The following NRG1 variants were observed in gnomAD, a reference collection of about 807,000 sequenced individuals.
NRG1 encodes the protein neuregulin 1, also known as pro-neuregulin-1, membrane-bound isoform.
Under a neutral mutation model 63.8 loss-of-function variants are expected in NRG1, and 18 were observed. The ratio of observed to expected loss-of-function variants is 0.28; its 90% CI spans 0.19 to 0.42. The LOEUF is 0.42. Among genes scored for constraint, NRG1 ranks in the 10% least tolerant of loss-of-function variants. The pLI is 1.00. For synonymous variants in NRG1, 302 were observed against 301.3 expected (o/e 1.00, Z -0.02); for missense variants, 762 against 814.7 (o/e 0.94, Z 0.79).
chr8:32,396,193 T>C (rs1563406174), intron 1 of NRG1, among the ~76,000 whole-genome samples: 3 of 152,324 alleles, frequency 2.0e-5, no homozygotes, highest in African/African-American at 2.4e-5. Flanking sequence ...AGACATTTTT[T>C]TTGGCTACTG....
At chr8:32,252,209 G>A (rs1363444812) in intron 1 of NRG1, among the ~76,000 whole-genome samples, 2 of 151,792 alleles carry the variant, frequency 1.3e-5, no homozygotes, top group Non-Finnish European at 2.9e-5. Flanking sequence ...ATTAGATCCT[G>A]TTCATCAATT....
At chr8:31,947,676 GC>G (rs1486823637) in intron 1 of NRG1, among the ~76,000 whole-genome samples, 96 of 152,160 alleles carry the variant, frequency 6.3e-4, no homozygotes, top group African/African-American at 2.3e-3. Flanking sequence ...GGGCATGGTG[GC>G]TCATGCCTGT....
chr8:32,468,947 G>A (rs541422272), intron 1 of NRG1, among the ~76,000 whole-genome samples: 2 of 152,214 alleles, frequency 1.3e-5, no homozygotes, highest in South Asian at 4.1e-4. Context: ...TGAGCACTGC[G>A]CTAGGACCTA....
At chr8:31,895,558 C>A (rs1191057682) in intron 1 of NRG1, among the ~76,000 whole-genome samples, 1 of 152,218 alleles carries the variant, frequency 6.6e-6, no homozygotes, top group East Asian at 1.9e-4. Context: ...AGCCTTTAGT[C>A]TGATCTTCAT....
At chr8:31,859,689 T>C (rs1238121010) in intron 1 of NRG1, among the ~76,000 whole-genome samples, 3 of 152,232 alleles carry the variant, frequency 2.0e-5, no homozygotes, top group African/African-American at 7.2e-5. Context: ...TAATCTATTG[T>C]ATGTTTTGCT....
chr8:31,811,726 A>G (rs1300718219), intron 1 of NRG1, among the ~76,000 whole-genome samples: 1 of 152,174 alleles, frequency 6.6e-6, no homozygotes, highest in Non-Finnish European at 1.5e-5. Context: ...AATTATTATG[A>G]AAATTGTTGT....
intron 1 of NRG1, among the ~76,000 whole-genome samples, chr8:31,817,701 C>T (rs922459378): frequency 2.6e-5 from 4 of 152,154 alleles, no homozygotes; most frequent in African/African-American, 4.8e-5. Flanking sequence ...GAGCTATTTT[C>T]CTAATACAAA....
intron 1 of NRG1, among the ~76,000 whole-genome samples, chr8:31,872,003 A>G (rs2129611681): frequency 6.6e-6 from 1 of 152,214 alleles, no homozygotes; most frequent in Non-Finnish European, 1.5e-5. Flanking sequence ...AGTGACCATA[A>G]AGGCCATTAG....
At chr8:32,495,194 G>A (rs764100132) in intron 1 of NRG1, among the ~76,000 whole-genome samples, 2 of 152,166 alleles carry the variant, frequency 1.3e-5, no homozygotes, top group Non-Finnish European at 2.9e-5. Context: ...TAATTCGCAC[G>A]TCATGGGAGG....
intron 1 of NRG1, among the ~76,000 whole-genome samples, chr8:31,749,283 T>A (rs186283757): frequency 5.3e-4 from 81 of 152,034 alleles, no homozygotes; most frequent in African/African-American, 1.8e-3. Flanking sequence ...TTCTAATGTA[T>A]TAGTTTTACA....
intron 1 of NRG1, among the ~76,000 whole-genome samples, chr8:31,656,906 T>G (rs957490735): frequency 6.6e-6 from 1 of 152,190 alleles, no homozygotes; most frequent in Non-Finnish European, 1.5e-5. Flanking sequence ...AGAAAAATAT[T>G]TGAGTCAAAA....
intron 5 of NRG1, among the ~76,000 whole-genome samples, chr8:32,631,346 T>C (rs1182129859): frequency 6.6e-6 from 1 of 152,214 alleles, no homozygotes; most frequent in Non-Finnish European, 1.5e-5. Context: ...CTCTCCTTTT[T>C]TAACATTTGT....
intron 1 of NRG1, among the ~76,000 whole-genome samples, chr8:32,016,338 C>T (rs1259959514): frequency 6.6e-6 from 1 of 152,092 alleles, no homozygotes; most frequent in African/African-American, 2.4e-5. Flanking sequence ...GCTGGGATTA[C>T]AGGTCTGTGC....
chr8:32,720,015 GT>G (rs1003287769), intron 5 of NRG1, among the ~76,000 whole-genome samples: 2 of 150,972 alleles, frequency 1.3e-5, no homozygotes, highest in African/African-American at 4.9e-5. Flanking sequence ...GTGCCATGAT[GT>G]TTTTTTTTAA....
At chr8:32,203,280 G>GGAA in intron 1 of NRG1, among the ~76,000 whole-genome samples, 1 of 150,578 alleles carries the variant, frequency 6.6e-6, no homozygotes, top group East Asian at 2.0e-4. Context: ...GAAGAAGAAA[G>GGAA]GAAGAGAGAA....
At chr8:32,428,612 A>G (rs1817723081) in intron 1 of NRG1, among the ~76,000 whole-genome samples, 1 of 152,198 alleles carries the variant, frequency 6.6e-6, no homozygotes, top group South Asian at 2.1e-4. Context: ...CTGCTCAGTT[A>G]GCTGCTGGTT....
chr8:32,037,018 G>C (rs1819180478), intron 1 of NRG1, among the ~76,000 whole-genome samples: 1 of 152,142 alleles, frequency 6.6e-6, no homozygotes, highest in African/African-American at 2.4e-5. Flanking sequence ...AGGCACTCTG[G>C]CTTTTTGAGT....
intron 1 of NRG1, among the ~76,000 whole-genome samples, chr8:31,867,326 C>A (rs1365916670): frequency 6.6e-6 from 1 of 152,086 alleles, no homozygotes; most frequent in African/African-American, 2.4e-5. Context: ...TTTAAATGTT[C>A]TTTTATTATT....
intron 1 of NRG1, among the ~76,000 whole-genome samples, chr8:32,593,651 CTAAATAAA>C (rs201540436): frequency 1.3e-5 from 2 of 151,480 alleles, no homozygotes; most frequent in Non-Finnish European, 2.9e-5. Flanking sequence ...AAGATCCTGT[CTAAATAAA>C]TAAATAAATA....
Sources: allele counts gnomAD v4.1 joint callset (sites outside exome capture counted in the v4.1 genomes callset), GRCh38; gene constraint gnomAD v4.1.1; transcripts MANE v1.5; gene names NCBI Gene and HGNC (gene_info 2026-07-23, HGNC 2026-07-21).